B3GLCT: variants seen among roughly 807,000 people sequenced by gnomAD.
B3GLCT encodes the protein beta 3-glucosyltransferase.
B3GLCT carries 65 observed loss-of-function variants against 63.4 expected under a neutral mutation model. The ratio of observed to expected loss-of-function variants is 1.03; its 90% confidence interval spans 0.84 to 1.26. The LOEUF is 1.26. B3GLCT is among the 50% of genes most tolerant of loss of function. The pLI is 0.00. For missense variants in B3GLCT, 577 were observed against 604.8 expected (o/e 0.95, Z 0.48); for synonymous variants, 233 against 219.2 (o/e 1.06, Z -0.55).
At chr13:31,248,005 C>A in intron 6 of B3GLCT, 39 bp downstream of exon 6, 1 of 1,132,350 alleles carries the variant, frequency 8.8e-7, no homozygotes, top group Non-Finnish European at 1.3e-6. Context: ...TTTTGGGGGA[C>A]AGTGTTTCAA....
chr13:31,275,667 GGTT>G (rs1301169067), intron 9 of B3GLCT, among the ~76,000 whole-genome samples: 1 of 152,066 alleles, frequency 6.6e-6, no homozygotes, highest in East Asian at 1.9e-4. Context: ...ACACTCACAA[GGTT>G]GTTAACAGCT....
intron 6 of B3GLCT, among the ~76,000 whole-genome samples, chr13:31,255,037 CAAA>C (rs59957215): frequency 1.5e-4 from 20 of 130,730 alleles, no homozygotes; most frequent in African/African-American, 1.2e-4. Flanking sequence ...GACGCTGTCT[CAAA>C]AAAAAAAAAA....
At chr13:31,233,345 A>G (rs898318620) in intron 4 of B3GLCT, among the ~76,000 whole-genome samples, 1 of 152,218 alleles carries the variant, frequency 6.6e-6, no homozygotes, top group Non-Finnish European at 1.5e-5. Flanking sequence ...ATAATATGAA[A>G]AAGAACCAGA....
intron 4 of B3GLCT, 136 bp downstream of exon 4, chr13:31,229,430 A>G: frequency 1.4e-6 from 1 of 707,258 alleles, no homozygotes; most frequent in Non-Finnish European, 2.6e-6. Context: ...TGCTTATTTA[A>G]TATTGAGTAT....
At chr13:31,256,094 A>G (rs1212644987) in intron 6 of B3GLCT, among the ~76,000 whole-genome samples, 2 of 152,238 alleles carry the variant, frequency 1.3e-5, no homozygotes, top group African/African-American at 2.4e-5. Flanking sequence ...AAACAAATTT[A>G]CGAGAAAGAA....
intron 4 of B3GLCT, among the ~76,000 whole-genome samples, chr13:31,237,061 G>A (rs1870686828): frequency 1.3e-5 from 2 of 151,808 alleles, no homozygotes; most frequent in Non-Finnish European, 2.9e-5. Flanking sequence ...AGTAGGCGGA[G>A]GTCGCAGTGA....
At chr13:31,200,358 C>A (rs1274582010) in intron 1 of B3GLCT, among the ~76,000 whole-genome samples, 1 of 149,162 alleles carries the variant, frequency 6.7e-6, no homozygotes, top group Admixed American at 6.7e-5. Context: ...GGGCCCGGGA[C>A]CCGAGGCGTG....
chr13:31,253,072 A>G (rs1293399752), intron 6 of B3GLCT, among the ~76,000 whole-genome samples: 1 of 152,216 alleles, frequency 6.6e-6, no homozygotes, highest in Admixed American at 6.5e-5. Context: ...TCAAAACCGC[A>G]CAACTATGTG....
chr13:31,316,407 TTATATATATA>T lies in B3GLCT; in HGVS notation c.1065-1144_1065-1135del, dbSNP rs71099949. Among the ~76,000 whole-genome samples, 352 of 40,870 alleles carry T rather than the reference TTATATATATA, an allele frequency of 8.6e-3. 32 individuals carry two copies. The highest frequency in any genetic ancestry group is 0.024 in the Middle Eastern group (1 of 42). The allele number at this position is 40,870 out of a possible 152,430, so 26.8% of individuals were successfully genotyped here. On this transcript the variant is annotated intron_variant, in intron 12 of 14. Coordinates refer to ENST00000343307, the MANE Select transcript of B3GLCT (RefSeq NM_194318.4). ...TGGAATCAAGGAGATTTTGGAGGTT[TTATATATATA>T]TATATATATATATAAATTTTTTTTT... is the stretch of plus-strand genomic sequence containing the variant.
chr13:31,241,617 A>G (rs1007882326), intron 4 of B3GLCT, among the ~76,000 whole-genome samples: 3 of 152,200 alleles, frequency 2.0e-5, no homozygotes, highest in Non-Finnish European at 4.4e-5. Flanking sequence ...CAGTACAAAC[A>G]TGGCCCCCTG....
chr13:31,322,516 C>T (rs1236680421), intron 13 of B3GLCT, among the ~76,000 whole-genome samples: 2 of 152,188 alleles, frequency 1.3e-5, no homozygotes, highest in African/African-American at 4.8e-5. Flanking sequence ...GATGATATGA[C>T]TGGTAGTTTT....
At position 31,274,712 on chromosome 13, in the gene B3GLCT, G is replaced by C; in HGVS notation, c.780+84G>C. On this transcript the variant is annotated intron_variant, in intron 9 of 14. Transcript: ENST00000343307. Reference sequence around the variant, plus strand: ...TAATGTCATCCTAGCACTTTAAAATGAATTTTAAATTCAGGGCATTCATGT... The same window carrying C: ...TAATGTCATCCTAGCACTTTAAAATCAATTTTAAATTCAGGGCATTCATGT... 3.3e-6 allele frequency: 5 copies of C among 1,537,480 alleles called. No homozygotes were observed. The South Asian group carries it at 5.6e-5, about 17-fold the overall frequency.
chr13:31,229,659 T>G (rs1014621251), intron 4 of B3GLCT, among the ~76,000 whole-genome samples: 1 of 151,238 alleles, frequency 6.6e-6, no homozygotes, highest in Non-Finnish European at 1.5e-5. Flanking sequence ...GGCAGAAGAA[T>G]CGCTTGAACC....
chr13:31,204,910 G>T (rs1463967389), intron 1 of B3GLCT, among the ~76,000 whole-genome samples: 1 of 152,178 alleles, frequency 6.6e-6, no homozygotes, highest in African/African-American at 2.4e-5. Context: ...ACTAACTTGG[G>T]CACTGAAGGA....
intron 3 of B3GLCT, among the ~76,000 whole-genome samples, chr13:31,226,442 G>C (rs1329550208): frequency 6.6e-6 from 1 of 152,214 alleles, no homozygotes; most frequent in Non-Finnish European, 1.5e-5. Context: ...CATGACCCAG[G>C]TATGGGAAGA....
At chr13:31,201,495 AG>A (rs1311444833) in intron 1 of B3GLCT, among the ~76,000 whole-genome samples, 1 of 152,170 alleles carries the variant, frequency 6.6e-6, no homozygotes, top group Non-Finnish European at 1.5e-5. Context: ...CAGTGGAAGA[AG>A]GGCATTGCTG....
At chr13:31,319,041 G>A (rs987043238) in intron 13 of B3GLCT, among the ~76,000 whole-genome samples, 5 of 152,054 alleles carry the variant, frequency 3.3e-5, no homozygotes, top group African/African-American at 1.2e-4. Context: ...TTGTTTATTC[G>A]TTCAACTGGC....
chr13:31,224,310 G>A (rs542060548), intron 3 of B3GLCT, among the ~76,000 whole-genome samples: 1 of 152,300 alleles, frequency 6.6e-6, no homozygotes, highest in South Asian at 2.1e-4. Context: ...TAGTTTATGG[G>A]AGCAGATGAG....
intron 3 of B3GLCT, 147 bp from the exon 4 acceptor site, chr13:31,229,038 C>T: frequency 1.6e-6 from 1 of 639,760 alleles, no homozygotes; most frequent in East Asian, 2.8e-5. Context: ...AAAATTTTGT[C>T]TCTAGAATTA....
Sources: allele counts gnomAD v4.1 joint callset (sites outside exome capture counted in the v4.1 genomes callset), GRCh38; gene constraint gnomAD v4.1.1; transcripts MANE v1.5; gene names NCBI Gene and HGNC (gene_info 2026-07-23, HGNC 2026-07-21).